The following CA8 variants were observed in gnomAD, a reference collection of about 807,000 sequenced individuals.
CA8 encodes the protein carbonic anhydrase 8 (inactive), also known as carbonic anhydrase-related protein.
Under a neutral mutation model 41.4 loss-of-function variants are expected in CA8, and 22 were observed. That is an observed-to-expected ratio of 0.53 (90% confidence interval 0.38 to 0.76). The LOEUF is 0.76. Among genes scored for constraint, CA8 ranks in the 30% least tolerant of loss-of-function variants. CA8 has a pLI of 0.00. For missense variants in CA8, 270 were observed against 352.8 expected (o/e 0.77, Z 1.88); for synonymous variants, 121 against 130.6 (o/e 0.93, Z 0.50).
intron 7 of CA8, among the ~76,000 whole-genome samples, chr8:60,215,192 A>C (rs1806972707): frequency 6.6e-6 from 1 of 152,182 alleles, no homozygotes; most frequent in East Asian, 1.9e-4. Context: ...TAGATTTGGT[A>C]ATGTTTTGGT....
chr8:60,232,475 T>C (rs745760343), intron 3 of CA8, 96 bp from the exon 4 acceptor site: 3 of 853,878 alleles, frequency 3.5e-6, no homozygotes, highest in Non-Finnish European at 6.1e-6. Flanking sequence ...TTCTATATGG[T>C]ATCACATACC....
At chr8:60,267,817 C>G (rs1480867520) in intron 2 of CA8, among the ~76,000 whole-genome samples, 1 of 152,188 alleles carries the variant, frequency 6.6e-6, no homozygotes, top group Non-Finnish European at 1.5e-5. Flanking sequence ...TTTCCCAGAA[C>G]AATCTAAAAA....
chr8:60,198,664 G>A (rs188704892), intron 8 of CA8, among the ~76,000 whole-genome samples: 22 of 152,042 alleles, frequency 1.4e-4, no homozygotes, highest in East Asian at 5.8e-4. Flanking sequence ...TCACTAGTTC[G>A]AGCTTAATGT....
At chr8:60,206,924 AT>A (rs1806606642) in intron 8 of CA8, among the ~76,000 whole-genome samples, 1 of 150,426 alleles carries the variant, frequency 6.6e-6, no homozygotes, top group South Asian at 2.1e-4. Flanking sequence ...GACAAGTTCT[AT>A]TTCTTTTGTT....
At chr8:60,261,148 A>T (rs1267351281) in intron 3 of CA8, among the ~76,000 whole-genome samples, 2 of 152,192 alleles carry the variant, frequency 1.3e-5, no homozygotes, top group Non-Finnish European at 2.9e-5. Flanking sequence ...TTTAAGGATT[A>T]GCAATATATT....
intron 3 of CA8, among the ~76,000 whole-genome samples, chr8:60,237,235 A>C (rs1198289599): frequency 6.6e-6 from 1 of 152,214 alleles, no homozygotes; most frequent in Non-Finnish European, 1.5e-5. Flanking sequence ...GTCTCTCTGT[A>C]ACACAGGAGA....
At chr8:60,190,429 C>A (rs1369178212) in intron 8 of CA8, among the ~76,000 whole-genome samples, 2 of 92,070 alleles carry the variant, frequency 2.2e-5, no homozygotes. Context: ...ATAATAAATG[C>A]AGAATATATA....
chr8:60,239,843 C>T (rs1362160259), intron 3 of CA8, among the ~76,000 whole-genome samples: 1 of 152,210 alleles, frequency 6.6e-6, no homozygotes, highest in African/African-American at 2.4e-5. Flanking sequence ...TCTTCTTTCA[C>T]TTGGCTCTCA....
At chr8:60,262,613 GA>G (rs1198392745) in intron 3 of CA8, among the ~76,000 whole-genome samples, 1 of 152,248 alleles carries the variant, frequency 6.6e-6, no homozygotes, top group African/African-American at 2.4e-5. Context: ...AGCTACTCAG[GA>G]AGCTGAGGCA....
intron 8 of CA8, among the ~76,000 whole-genome samples, chr8:60,202,805 A>G (rs1806471892): frequency 6.6e-6 from 1 of 152,282 alleles, no homozygotes; most frequent in East Asian, 1.9e-4. Flanking sequence ...ATCTCGTATT[A>G]TTAGCTGGTT....
intron 2 of CA8, among the ~76,000 whole-genome samples, chr8:60,267,795 C>T (rs1003313032): frequency 6.6e-6 from 1 of 152,202 alleles, no homozygotes; most frequent in African/African-American, 2.4e-5. Flanking sequence ...TGGAGAACTG[C>T]ACTTCATCCT....
chr8:60,274,219 G>C (rs1804157546), intron 2 of CA8, among the ~76,000 whole-genome samples: 1 of 151,662 alleles, frequency 6.6e-6, no homozygotes, highest in Admixed American at 6.6e-5. Flanking sequence ...AGTTAGACAA[G>C]GAAGATTGTA....
Position 60,208,746 on chromosome 8 carries a change from A to C in CA8, c.*35+4T>G. On this transcript the variant is annotated splice_donor_region_variant and intron_variant, in intron 8 of 8. Coordinates refer to ENST00000317995, the MANE Select transcript of CA8 (RefSeq NM_004056.6). ...CTCATTTTCCTTACTTAATCTGGAC[A>C]TACCCTCATGAAGACAGACTTGTTC... 1 of 1,613,576 alleles carries C rather than the reference A, an allele frequency of 6.2e-7. No individual in the cohort carries two copies.
intron 7 of CA8, among the ~76,000 whole-genome samples, chr8:60,220,052 G>T (rs1342517713): frequency 6.6e-6 from 1 of 151,010 alleles, no homozygotes; most frequent in Non-Finnish European, 1.5e-5. Context: ...TTTATGCTTG[G>T]TCCCTCTACA....
intron 3 of CA8, 143 bp downstream of exon 3, chr8:60,265,782 G>T: frequency 1.1e-6 from 1 of 901,754 alleles, no homozygotes; most frequent in Non-Finnish European, 1.7e-6. Context: ...GGCTTCCATT[G>T]CATTAAGCAT....
Position 60,186,136 on chromosome 8 carries a change from A to G in CA8, c.*3885T>C, listed in dbSNP as rs1805956820. The stretch of plus-strand genomic sequence containing the variant: ...TTAAAAGCTTACTAGAAGAAACTCT[A>G]TAAATATAATTTGTTCTCAAGTCTC... On this transcript the variant is annotated 3_prime_UTR_variant, in exon 9 of 9. Coordinates refer to ENST00000317995, the MANE Select transcript of CA8 (RefSeq NM_004056.6). Among the ~76,000 whole-genome samples the G allele has an allele frequency of 6.6e-6, 1 of 152,072 alleles. No homozygotes were observed. Among genetic ancestry groups the G allele is most frequent in the Non-Finnish European group, 1.5e-5 (1 of 67,950 alleles).
intron 3 of CA8, among the ~76,000 whole-genome samples, chr8:60,254,948 T>C (rs981452279): frequency 2.0e-5 from 3 of 152,194 alleles, no homozygotes; most frequent in Non-Finnish European, 2.9e-5. Flanking sequence ...AACAAACCTG[T>C]AGTGAAAGGA....
intron 8 of CA8, among the ~76,000 whole-genome samples, chr8:60,205,878 T>C (rs1171594622): frequency 2.0e-5 from 3 of 152,230 alleles, no homozygotes; most frequent in Non-Finnish European, 4.4e-5. Context: ...GAAATGTCTT[T>C]TCCTTTTTAG....
intron 3 of CA8, among the ~76,000 whole-genome samples, chr8:60,246,284 G>GC (rs1585899220): frequency 6.6e-6 from 1 of 151,894 alleles, no homozygotes; most frequent in Admixed American, 6.6e-5. Flanking sequence ...GCATTTCTGG[G>GC]GGGGGTTGAG....
Sources: allele counts gnomAD v4.1 joint callset (sites outside exome capture counted in the v4.1 genomes callset), GRCh38; gene constraint gnomAD v4.1.1; transcripts MANE v1.5; gene names NCBI Gene and HGNC (gene_info 2026-07-23, HGNC 2026-07-21).